The following SLC25A48 variants were observed in gnomAD, a reference collection of about 807,000 sequenced individuals.
The protein encoded by SLC25A48 is CTC-321K16.1.
SLC25A48 carries 29 observed loss-of-function variants against 32.2 expected under a neutral mutation model. The ratio of observed to expected loss-of-function variants is 0.90; its 90% confidence interval spans 0.67 to 1.23. The LOEUF (loss-of-function observed/expected upper bound fraction) is 1.23. SLC25A48 is among the 50% of genes most tolerant of loss of function. The probability of loss-of-function intolerance (pLI) is 0.00; values close to 1 mark genes in which losing one functional copy is unlikely to be tolerated. For synonymous variants in SLC25A48, 164 were observed against 172.3 expected (o/e 0.95, Z 0.38); for missense variants, 399 against 422.7 (o/e 0.94, Z 0.49).
intron 1 of SLC25A48, among the ~76,000 whole-genome samples, chr5:135,583,843 C>T (rs1009377382): frequency 2.6e-5 from 4 of 152,218 alleles, no homozygotes; most frequent in African/African-American, 9.7e-5. Flanking sequence ...TCTGTCTGTT[C>T]ACCTGCAGCC....
At position 135,806,088 on chromosome 5, in the gene SLC25A48, A is replaced by G. The variant is rs1037247084; in HGVS notation, c.-520-6435A>G. On this transcript the variant is annotated intron_variant, in intron 3 of 10. Coordinates refer to the SLC25A48 transcript ENST00000646290. ...TTATCCCTAATATCTCAGTTATTGTACACCCTTTGCATTCAGCCTTTGTTG... is the reference window on the plus strand; with the variant it reads ...TTATCCCTAATATCTCAGTTATTGTGCACCCTTTGCATTCAGCCTTTGTTG... Among the ~76,000 whole-genome samples the G allele has an allele frequency of 2.0e-5, 3 of 151,684 alleles. No homozygotes were observed. In the South Asian group the frequency reaches 6.2e-4, roughly 31 times the overall value.
chr5:135,776,004 C>T (rs71587590), intron 3 of SLC25A48, among the ~76,000 whole-genome samples: 3 of 151,576 alleles, frequency 2.0e-5, no homozygotes, highest in African/African-American at 7.3e-5. Flanking sequence ...TTTACACCCT[C>T]TTTGTGACAT....
At chr5:135,708,586 G>A (rs1270347175) in intron 3 of SLC25A48, among the ~76,000 whole-genome samples, 6 of 152,282 alleles carry the variant, frequency 3.9e-5, no homozygotes, top group East Asian at 1.9e-4. Flanking sequence ...GCCCCACCCC[G>A]GTCAGGCAGA....
chr5:135,794,502 G>C (rs1282576251), intron 3 of SLC25A48, among the ~76,000 whole-genome samples: 1 of 151,830 alleles, frequency 6.6e-6, no homozygotes, highest in East Asian at 1.9e-4. Flanking sequence ...CGCAGTGGGT[G>C]TACACCTTAC....
chr5:135,857,896 T>G (rs1467002580), intron 4 of SLC25A48, among the ~76,000 whole-genome samples: 2 of 151,978 alleles, frequency 1.3e-5, no homozygotes, highest in Non-Finnish European at 2.9e-5. Context: ...CTTAAAGGGA[T>G]CCTTAAAGGG....
chr5:135,761,800 ACC>A (rs890151935), intron 3 of SLC25A48, among the ~76,000 whole-genome samples: 10 of 152,076 alleles, frequency 6.6e-5, no homozygotes, highest in African/African-American at 2.2e-4. Flanking sequence ...AAGAGGTGAG[ACC>A]TCACTGTCCC....
intron 3 of SLC25A48, among the ~76,000 whole-genome samples, chr5:135,738,074 G>A (rs758846646): frequency 2.6e-5 from 4 of 152,128 alleles, no homozygotes; most frequent in Non-Finnish European, 4.4e-5. Context: ...GACTTTCCTC[G>A]ATACTCTCAG....
rs183554125 is a variant in SLC25A48, at chr5:135,800,840, C to T, written c.-520-11683C>T. Among the ~76,000 whole-genome samples the T allele has an allele frequency of 4.1e-3, 621 of 151,340 alleles. 2 individuals carry two copies. Among genetic ancestry groups the T allele is most frequent in the Non-Finnish European group, 6.3e-3 (425 of 67,688 alleles). On this transcript the variant is annotated intron_variant, in intron 3 of 10. Transcript: ENST00000646290. ...CATATCGCTGGGGAGTGTACACTCG[C>T]CTGTGATATGGTTCGTAACATCCAG...
At chr5:135,883,884 TG>T (rs964284909) in intron 7 of SLC25A48, among the ~76,000 whole-genome samples, 5 of 152,170 alleles carry the variant, frequency 3.3e-5, no homozygotes, top group Non-Finnish European at 7.3e-5. Context: ...TAGAGCCGCG[TG>T]GGGAGGCCAT....
chr5:135,740,696 TA>T (rs770108499), intron 3 of SLC25A48, among the ~76,000 whole-genome samples: 37 of 152,230 alleles, frequency 2.4e-4, no homozygotes, highest in African/African-American at 7.5e-4. Context: ...AAAAGCCATC[TA>T]GGGGGTGTTT....
intron 4 of SLC25A48, among the ~76,000 whole-genome samples, chr5:135,828,329 T>C (rs962068506): frequency 7.9e-5 from 12 of 152,226 alleles, no homozygotes; most frequent in African/African-American, 2.9e-4. Flanking sequence ...TTGCTGGGTG[T>C]GTTACTGCGT....
At chr5:135,813,649 A>T (rs917612507) in intron 4 of SLC25A48, among the ~76,000 whole-genome samples, 1 of 152,242 alleles carries the variant, frequency 6.6e-6, no homozygotes, top group Non-Finnish European at 1.5e-5. Flanking sequence ...CGGACACGAC[A>T]AACTTCTTAT....
At chr5:135,795,028 T>C (rs892147060) in intron 3 of SLC25A48, among the ~76,000 whole-genome samples, 1 of 151,778 alleles carries the variant, frequency 6.6e-6, no homozygotes, top group African/African-American at 2.4e-5. Flanking sequence ...TCCCAGGGGT[T>C]ATACACCCCC....
At chr5:135,849,638 C>A (rs1038104142) in intron 2 of SLC25A48, among the ~76,000 whole-genome samples, 1 of 152,084 alleles carries the variant, frequency 6.6e-6, no homozygotes, top group African/African-American at 2.4e-5. Flanking sequence ...GTTGGGTGGT[C>A]CTACATAAAC....
intron 3 of SLC25A48, among the ~76,000 whole-genome samples, chr5:135,851,175 C>T (rs1167071928): frequency 6.6e-6 from 1 of 152,192 alleles, no homozygotes; most frequent in Admixed American, 6.5e-5. Context: ...CCCACTGTAG[C>T]CATTGTCTCC....
Position 135,836,959 on chromosome 5 carries a change from T to TCCCC in SLC25A48, c.46+2073_46+2076dup, listed in dbSNP as rs1300245224. On this transcript the variant is annotated intron_variant, in intron 1 of 7. Transcript: ENST00000681962. ...AAATTTTGCCCTTTTTTTGATATTA[T>TCCCC]CCCCCCCCCCACCCCCCCCCCCCAC... Among the ~76,000 whole-genome samples, 76 of 24,820 alleles carry TCCCC rather than the reference T, an allele frequency of 3.1e-3. 1 individual carries two copies. Among genetic ancestry groups the TCCCC allele is most frequent in the African/African-American group, 8.2e-3 (61 of 7,444 alleles). The allele number at this position is 24,820 out of a possible 152,430, so 16.3% of individuals were successfully genotyped here.
At chr5:135,600,464 T>G (rs1037843623) in intron 1 of SLC25A48, among the ~76,000 whole-genome samples, 5 of 152,186 alleles carry the variant, frequency 3.3e-5, no homozygotes, top group African/African-American at 1.2e-4. Flanking sequence ...GGAACACATC[T>G]TCTCTTCTCC....
chr5:135,657,861 C>T (rs572776435), intron 3 of SLC25A48, among the ~76,000 whole-genome samples: 1 of 152,140 alleles, frequency 6.6e-6, no homozygotes. Flanking sequence ...TACAAAAACT[C>T]GTAATTTAGA....
Position 135,765,311 on chromosome 5 carries a change from T to A in SLC25A48, c.-520-47212T>A, listed in dbSNP as rs547034518. ...TTCAGGGGTAAGAGGGTAATGTTAC[T>A]TTCCATATCGTGGGGGGTGTGATAT... On this transcript the variant is annotated intron_variant, in intron 3 of 10. Transcript: ENST00000646290. Among the ~76,000 whole-genome samples the A allele has an allele frequency of 2.9e-4, 44 of 151,176 alleles. 1 individual carries two copies. Among genetic ancestry groups the A allele is most frequent in the Admixed American group, 2.8e-3 (42 of 15,206 alleles).
Sources: gnomAD v4.1 joint callset for allele counts (sites outside exome capture counted in the v4.1 genomes callset) on GRCh38, gnomAD v4.1.1 for gene constraint, MANE v1.5 for transcripts, NCBI Gene and HGNC (gene_info 2026-07-23, HGNC 2026-07-21) for gene names.